Variants in CEP57 observed in about 807,000 individuals in gnomAD.
The protein encoded by CEP57 is centrosomal protein of 57 kDa.
Under a neutral mutation model 68.0 loss-of-function variants are expected in CEP57, and 40 were observed. The observed-to-expected ratio is 0.59, with a 90% CI of 0.46 to 0.77. CEP57 has a LOEUF of 0.77. Ranked by LOEUF, CEP57 falls within the 30% of genes least tolerant of loss-of-function variation. The pLI is 0.00. For missense variants in CEP57, 606 were observed against 580.7 expected (o/e 1.04, Z -0.45); for synonymous variants, 219 against 198.7 (o/e 1.10, Z -0.86).
At chr11:95,819,818 A>AT (rs1862448723) in intron 6 of CEP57, among the ~76,000 whole-genome samples, 1 of 152,224 alleles carries the variant, frequency 6.6e-6, no homozygotes, top group East Asian at 1.9e-4. Context: ...TATTTCTTCT[A>AT]GTGCATCTCT....
intron 2 of CEP57, among the ~76,000 whole-genome samples, chr11:95,810,867 C>CA (rs771764952): frequency 2.6e-5 from 4 of 151,658 alleles, no homozygotes; most frequent in South Asian, 2.1e-4. Flanking sequence ...CATACAGCAC[C>CA]AAAAAAAACA....
chr11:95,823,489 G>A (rs554108369), intron 8 of CEP57, among the ~76,000 whole-genome samples: 3 of 152,102 alleles, frequency 2.0e-5, no homozygotes, highest in South Asian at 2.1e-4. Context: ...TGTCATAGAT[G>A]CATAAAATTG....
intron 5 of CEP57, among the ~76,000 whole-genome samples, chr11:95,818,411 C>CAA (rs34940479): frequency 3.1e-4 from 40 of 127,436 alleles, no homozygotes; most frequent in Non-Finnish European, 4.4e-4. Flanking sequence ...AACTCCATCT[C>CAA]AAAAAAAAAA....
Position 95,823,762 on chromosome 11 carries a change from A to G in CEP57, c.885+1186A>G, listed in dbSNP as rs546716550. 5.3e-5 allele frequency among the ~76,000 whole-genome samples: 8 copies of G among 152,308 alleles called. No individual in the cohort carries two copies. In the South Asian group the frequency reaches 8.3e-4, roughly 16 times the overall value. On this transcript the variant is annotated intron_variant, in intron 8 of 10. Coordinates refer to ENST00000325542, the MANE Select transcript of CEP57 (RefSeq NM_014679.5). ...CAAGGGTTGGGAGTATTCACTTAAA[A>G]TGCCACGTGACGCTAATCATCTTCA...
In CEP57 at chr11:95,790,652, A is replaced by T. The variant is rs1376285861; in HGVS notation, c.-47A>T. On this transcript the variant is annotated 5_prime_UTR_variant, in exon 1 of 11. Coordinates refer to ENST00000325542, the MANE Select transcript of CEP57 (RefSeq NM_014679.5). ...CCGAGTCTTGGAGAAGAGCACGAGAACCTAGACCGCCCCCGAAGTGCGGAG... is the reference window on the plus strand; with the variant it reads ...CCGAGTCTTGGAGAAGAGCACGAGATCCTAGACCGCCCCCGAAGTGCGGAG... The T allele has an allele frequency of 6.2e-7, 1 of 1,605,952 alleles. No homozygotes were observed. Among genetic ancestry groups the T allele is most frequent in the African/African-American group, 1.3e-5 (1 of 74,932 alleles).
chr11:95,802,144 A>G (rs987349788), intron 2 of CEP57, among the ~76,000 whole-genome samples: 33 of 152,176 alleles, frequency 2.2e-4, no homozygotes, highest in Non-Finnish European at 1.3e-4. Flanking sequence ...AAAACCTCTC[A>G]GAGGAAAAAC....
intron 1 of CEP57, among the ~76,000 whole-genome samples, chr11:95,794,000 A>G (rs984501719): frequency 9.2e-5 from 14 of 152,304 alleles, no homozygotes; most frequent in African/African-American, 1.7e-4. Context: ...GGTAGACTAG[A>G]TCTTTAATAA....
intron 2 of CEP57, among the ~76,000 whole-genome samples, chr11:95,809,342 TAACTA>T (rs1861948816): frequency 6.6e-6 from 1 of 151,810 alleles, no homozygotes; most frequent in African/African-American, 2.4e-5. Context: ...AGGCAAGAAA[TAACTA>T]AGATCAGAGC....
At chr11:95,804,778 A>G (rs935107095) in intron 2 of CEP57, among the ~76,000 whole-genome samples, 1 of 152,238 alleles carries the variant, frequency 6.6e-6, no homozygotes, top group African/African-American at 2.4e-5. Flanking sequence ...GTAAAGGTCA[A>G]TCTCACATAT....
chr11:95,812,798 T>C, intron 2 of CEP57, 134 bp from the exon 3 acceptor site: 1 of 817,978 alleles, frequency 1.2e-6, no homozygotes, highest in Admixed American at 1.9e-5. Flanking sequence ...TAACATTTTA[T>C]TGTTCCCAAA....
At chr11:95,806,996 G>A (rs1024817723) in intron 2 of CEP57, among the ~76,000 whole-genome samples, 1 of 152,144 alleles carries the variant, frequency 6.6e-6, no homozygotes, top group Non-Finnish European at 1.5e-5. Context: ...ACCTCATACA[G>A]CCGGGTCCCC....
rs183706797 is a variant in CEP57, at chr11:95,815,989, G to A, written c.505-1798G>A. 5.9e-5 allele frequency among the ~76,000 whole-genome samples: 9 copies of A among 151,350 alleles called. No homozygotes were observed. In the East Asian group the frequency reaches 1.7e-3, roughly 29 times the overall value. The stretch of plus-strand genomic sequence containing the variant: ...TTTTGAGTTCCTTTCTCTTTTTTTT[G>A]TATCTGAAGATTTTCCTTTCTTGCT... On this transcript the variant is annotated intron_variant, in intron 4 of 10. Transcript: ENST00000325542.
At position 95,827,814 on chromosome 11, in the gene CEP57, C is replaced by T; in HGVS notation, c.914C>T (p.Ala305Val). Reference protein sequence around the residue: ...KSTSPSHAVVANVQLVLHLMK... With the variant: ...KSTSPSHAVVVNVQLVLHLMK... ...ACAAGCCCTAGCCATGCCGTGGTAG[C>T]CAATGTTCAGCTTGTCTTGCATCTA... The change falls in exon 9 of 11, where the codon GCC (alanine) becomes GTC (valine). Residue 305 changes from alanine (A) to valine (V), a missense_variant. Coordinates refer to ENST00000325542, the MANE Select transcript of CEP57 (RefSeq NM_014679.5). 2 of 1,614,048 alleles carry T rather than the reference C, an allele frequency of 1.2e-6. No homozygotes were observed. Among genetic ancestry groups the T allele is most frequent in the Non-Finnish European group, 8.5e-7 (1 of 1,179,986 alleles).
At chr11:95,828,057 G>C (rs777958057) in intron 9 of CEP57, 30 bp downstream of exon 9, 2 of 1,597,168 alleles carry the variant, frequency 1.3e-6, no homozygotes, top group Middle Eastern at 1.7e-4. Context: ...TTTAAATTCA[G>C]TTTAGCTCTA....
rs576846775 is a variant in CEP57, at chr11:95,803,105, G to A, written c.202+3717G>A. 2.6e-5 allele frequency among the ~76,000 whole-genome samples: 4 copies of A among 152,282 alleles called. No individual in the cohort carries two copies. In the South Asian group the frequency reaches 6.2e-4, roughly 24 times the overall value. On this transcript the variant is annotated intron_variant, in intron 2 of 10. Transcript: ENST00000325542. ...AAGCAACAAGACAGAACAGGAGACT[G>A]ATTAAGGAAAGATTTATGCATATTT...
At chr11:95,810,047 T>A (rs591860) in intron 2 of CEP57, among the ~76,000 whole-genome samples, 42,223 of 152,020 alleles carry the variant, frequency 0.28, 7,051 homozygotes, top group Non-Finnish European at 0.38. Context: ...TGGTTCAACG[T>A]ACACAAATCA....
chr11:95,820,579 C>CAAAA (rs56260498), intron 6 of CEP57, among the ~76,000 whole-genome samples: 23,584 of 81,736 alleles, frequency 0.29, 3,228 homozygotes, highest in Non-Finnish European at 0.37. Context: ...GCAACAAGAG[C>CAAAA]AAAAAAAAAA....
intron 2 of CEP57, among the ~76,000 whole-genome samples, chr11:95,811,010 A>G (rs188719126): frequency 2.2e-4 from 33 of 152,336 alleles, no homozygotes; most frequent in African/African-American, 7.5e-4. Flanking sequence ...TAGTTCAACC[A>G]TTGTGGAAGA....
chr11:95,805,483 T>C (rs1425228327), intron 2 of CEP57, among the ~76,000 whole-genome samples: 3 of 152,188 alleles, frequency 2.0e-5, no homozygotes, highest in African/African-American at 7.2e-5. Context: ...AGTCTCCTAT[T>C]TGAGACCTGT....
Sources: allele counts gnomAD v4.1 joint callset (sites outside exome capture counted in the v4.1 genomes callset), GRCh38; gene constraint gnomAD v4.1.1; transcripts MANE v1.5; gene names NCBI Gene and HGNC (gene_info 2026-07-23, HGNC 2026-07-21).